Variants in GCNA observed in about 807,000 individuals in gnomAD.
The protein encoded by GCNA is germ cell nuclear acidic protein.
In GCNA, 3 loss-of-function variants were observed where a neutral mutation model predicts 38.8. The ratio of observed to expected loss-of-function variants is 0.08; its 90% CI spans 0.04 to 0.20. The LOEUF (loss-of-function observed/expected upper bound fraction) is 0.20. Among genes scored for constraint, GCNA ranks in the 10% least tolerant of loss-of-function variants. GCNA has a pLI of 1.00. For missense variants in GCNA, 446 were observed against 578.6 expected (o/e 0.77, Z 2.35); for synonymous variants, 195 against 240.2 (o/e 0.81, Z 1.74).
At chrX:71,582,136 C>T (rs1370783287) in intron 2 of GCNA, among the ~76,000 whole-genome samples, 1 of 108,116 alleles carries the variant, frequency 9.2e-6, no homozygotes, top group East Asian at 2.9e-4. Context: ...TAGCTGGGCA[C>T]GGCGGCTGCA....
At chrX:71,602,427 T>A (rs1602179649) in intron 7 of GCNA, among the ~76,000 whole-genome samples, 2 of 111,672 alleles carry the variant, frequency 1.8e-5, no homozygotes, top group Admixed American at 1.9e-4. Flanking sequence ...CCTCAGATAA[T>A]CCACCCGCCT....
Position 71,613,119 on chromosome X carries a change from A to G in GCNA, c.*137A>G. 1 of 866,230 alleles carries G rather than the reference A, an allele frequency of 1.2e-6. No individual in the cohort carries two copies. The highest frequency in any genetic ancestry group is 1.6e-6 in the Non-Finnish European group (1 of 624,086). 71.4% of individuals were successfully genotyped at this position (866,230 alleles called of 1,213,427 possible). A position where few individuals can be genotyped will look rare whatever the true frequency, so the allele number is the denominator to read the frequency against. On this transcript the variant is annotated 3_prime_UTR_variant, in exon 13 of 13. Transcript: ENST00000373696. ...AATTCTTAAGGTTATCTTAGAGTAT[A>G]TTAATGTGAGCTATATCCTTTACTG...
intron 2 of GCNA, among the ~76,000 whole-genome samples, chrX:71,585,834 AG>A (rs1477915331): frequency 1.1e-5 from 1 of 90,377 alleles, no homozygotes; most frequent in Non-Finnish European, 2.1e-5. Context: ...AGGTTTTTTT[AG>A]GGGGTGGAAA....
chrX:71,610,628 C>CA, intron 10 of GCNA, 53 bp from the exon 11 acceptor site: 1 of 1,180,627 alleles, frequency 8.5e-7, no homozygotes, highest in Non-Finnish European at 1.1e-6. Context: ...AACAAAAAAA[C>CA]AAAAAAACCC....
chrX:71,611,364 C>A (rs1463314181), intron 11 of GCNA, among the ~76,000 whole-genome samples: 2 of 111,841 alleles, frequency 1.8e-5, no homozygotes, highest in East Asian at 2.8e-4. Context: ...TCTCTTCACA[C>A]TGGCCTTCAA....
Position 71,594,741 on chromosome X carries a change from T to A in GCNA, c.188-5T>A. The A allele has an allele frequency of 9.1e-7, 1 of 1,095,433 alleles. No individual in the cohort carries two copies. The highest frequency in any genetic ancestry group is 1.2e-6 in the Non-Finnish European group (1 of 815,660). The allele number at this position is 1,095,433 out of a possible 1,213,427, so 90.3% of individuals were successfully genotyped here. A position where few individuals can be genotyped will look rare whatever the true frequency, so the allele number is the denominator to read the frequency against. ...GTTTTCTAATGCCCTCTTTCTCTGATTTAGCTGTGGCCAGAAGAGCTCCGA... is the reference window on the plus strand; with the variant it reads ...GTTTTCTAATGCCCTCTTTCTCTGAATTAGCTGTGGCCAGAAGAGCTCCGA... On this transcript the variant is annotated splice_region_variant and splice_polypyrimidine_tract_variant and intron_variant, in intron 5 of 12. Coordinates refer to ENST00000373696, the MANE Select transcript of GCNA (RefSeq NM_052957.5).
Position 71,605,714 on chromosome X carries a change from A to G in GCNA, c.1451A>G (p.Glu484Gly), listed in dbSNP as rs185057741. 10 of 1,207,810 alleles carry G rather than the reference A, an allele frequency of 8.3e-6. No homozygotes were observed. The African/African-American group carries it at 1.7e-4, about 21-fold the overall frequency. The change falls in exon 9 of 13, where the codon GAA (glutamate) becomes GGA (glycine). Residue 484 changes from glutamate (E) to glycine (G), a missense_variant. Transcript: ENST00000373696. ...AAGAAACCCGGTGCAGCAAAAGTTG[A>G]AAAACGCAAGACTAGGTATGTACTG... is the stretch of plus-strand genomic sequence containing the variant. ...SKKKPGAAKVEKRKTRTPKCK... is the reference protein window; with the variant it reads ...SKKKPGAAKVGKRKTRTPKCK...
intron 2 of GCNA, among the ~76,000 whole-genome samples, chrX:71,585,365 C>T (rs1025573056): frequency 1.8e-5 from 2 of 110,539 alleles, no homozygotes; most frequent in Non-Finnish European, 3.8e-5. Flanking sequence ...AGCTCCATGA[C>T]CCTCAGTCAC....
At chrX:71,579,187 G>A (rs1375072830) in intron 1 of GCNA, among the ~76,000 whole-genome samples, 1 of 105,999 alleles carries the variant, frequency 9.4e-6, no homozygotes, top group East Asian at 3.0e-4. Flanking sequence ...CTGGGGGGAG[G>A]TGGGGGCCCC....
rs771593089 is a variant in GCNA, at chrX:71,601,098, C to T, written c.311-2490C>T. Among the ~76,000 whole-genome samples, 12 of 111,947 alleles carry T rather than the reference C, an allele frequency of 1.1e-4. No homozygotes were observed. In the South Asian group the frequency reaches 4.5e-3, roughly 42 times the overall value. ...TGGTGGCTCACGCCTGTAATCCCAG[C>T]ACTTGGGGAGTTCGAGGCAGGCGGA... On this transcript the variant is annotated intron_variant, in intron 7 of 12. Transcript: ENST00000373696.
chrX:71,605,066 A>G (rs1375356305), intron 8 of GCNA, among the ~76,000 whole-genome samples: 1 of 112,149 alleles, frequency 8.9e-6, no homozygotes, highest in Admixed American at 9.5e-5. Flanking sequence ...CATTGTTAGA[A>G]TACATTCCTG....
chrX:71,600,967 C>T (rs1016684920), intron 7 of GCNA, among the ~76,000 whole-genome samples: 1 of 111,886 alleles, frequency 8.9e-6, no homozygotes, highest in Admixed American at 9.5e-5. Flanking sequence ...TTTCCACACC[C>T]CTCCACTATC....
At position 71,613,508 on chromosome X, in the gene GCNA, T is replaced by C. The variant is rs2040828612; in HGVS notation, c.*526T>C. 8.8e-6 allele frequency: 1 copy of C among 113,864 alleles called. No homozygotes were observed. The highest frequency in any genetic ancestry group is 2.7e-4 in the East Asian group (1 of 3,652). The allele number at this position is 113,864 out of a possible 1,213,427, so 9.4% of individuals were successfully genotyped here. A position where few individuals can be genotyped will look rare whatever the true frequency, so the allele number is the denominator to read the frequency against. ...AGACAGGAAAGACAAACGTGTTTCA[T>C]AAAATTCGTTGTTGATGGTATTGAT... On this transcript the variant is annotated 3_prime_UTR_variant, in exon 13 of 13. Transcript: ENST00000373696.
intron 7 of GCNA, among the ~76,000 whole-genome samples, chrX:71,598,974 G>A (rs910459692): frequency 1.8e-5 from 2 of 109,915 alleles, no homozygotes. Context: ...CTGAATAGCT[G>A]GGATTACAGG....
Position 71,603,774 on chromosome X carries a change from C to T in GCNA, c.497C>T (p.Ser166Leu), listed in dbSNP as rs760818880. Reference sequence around the variant, plus strand: ...GCTCCTGACGACAACAGTGATGATTCGGAAGCTCCCGACGACAACAGTGAT... The same window carrying T: ...GCTCCTGACGACAACAGTGATGATTTGGAAGCTCCCGACGACAACAGTGAT... The part of the protein sequence containing the change: ...SEAPDDNSDD[S>L]EAPDDNSDDS... The change falls in exon 8 of 13, where the codon TCG becomes TTG. Residue 166 changes from serine (S) to leucine (L), a missense_variant. By Grantham distance (145) the Ser-to-Leu change is moderately radical (BLOSUM62 -2). Coordinates refer to ENST00000373696, the MANE Select transcript of GCNA (RefSeq NM_052957.5). 13 of 1,207,502 alleles carry T rather than the reference C, an allele frequency of 1.1e-5. No individual in the cohort carries two copies. The highest frequency in any genetic ancestry group is 3.5e-5 in the South Asian group (2 of 56,649).
intron 4 of GCNA, among the ~76,000 whole-genome samples, chrX:71,593,426 C>T: frequency 8.9e-6 from 1 of 111,820 alleles, no homozygotes. Flanking sequence ...GATGTCCAGC[C>T]GGCTGCTGTC....
At chrX:71,603,440 C>A in intron 7 of GCNA, 148 bp from the exon 8 acceptor site, 1 of 889,898 alleles carries the variant, frequency 1.1e-6, no homozygotes, top group Non-Finnish European at 1.6e-6. Flanking sequence ...TTGGTGTCTC[C>A]TTTAAAATAA....
At chrX:71,595,765 A>G (rs770362636) in intron 6 of GCNA, among the ~76,000 whole-genome samples, 2 of 112,233 alleles carry the variant, frequency 1.8e-5, no homozygotes, top group African/African-American at 3.2e-5. Flanking sequence ...TACTGTACAA[A>G]TGCAAATTGG....
At chrX:71,612,167 A>C (rs1295227189) in intron 11 of GCNA, among the ~76,000 whole-genome samples, 188 bp from the exon 12 acceptor site, 1 of 106,852 alleles carries the variant, frequency 9.4e-6, no homozygotes, top group African/African-American at 3.4e-5. Flanking sequence ...AATCCCAGTT[A>C]CTTGGGAGGC....
Sources: allele counts gnomAD v4.1 joint callset (sites outside exome capture counted in the v4.1 genomes callset), GRCh38; gene constraint gnomAD v4.1.1; transcripts MANE v1.5; gene names NCBI Gene and HGNC (gene_info 2026-07-23, HGNC 2026-07-21).